Variants in SLC38A9 observed in about 807,000 individuals in gnomAD.
SLC38A9 encodes neutral amino acid transporter 9.
Under a neutral mutation model 62.3 loss-of-function variants are expected in SLC38A9, and 48 were observed. That is an observed-to-expected ratio of 0.77 (90% confidence interval 0.61 to 0.98). The LOEUF (loss-of-function observed/expected upper bound fraction) is 0.98, where lower values mean the gene tolerates loss of function less well. Among genes scored for constraint, SLC38A9 ranks in the 50% least tolerant of loss-of-function variants. The pLI is 0.00. For synonymous variants in SLC38A9, 204 were observed against 227.7 expected (o/e 0.90, Z 0.94); for missense variants, 541 against 679.8 (o/e 0.80, Z 2.27).
At chr5:55,711,962 C>T (rs1367088069) in intron 1 of SLC38A9, among the ~76,000 whole-genome samples, 1 of 152,222 alleles carries the variant, frequency 6.6e-6, no homozygotes, top group Admixed American at 6.5e-5. Flanking sequence ...CGGATTTCCT[C>T]AGACCCCGAG....
chr5:55,637,164 A>T (rs1289138650), intron 12 of SLC38A9, among the ~76,000 whole-genome samples: 1 of 152,190 alleles, frequency 6.6e-6, no homozygotes. Context: ...TGGGCCTGAG[A>T]CAGCTCTCTG....
intron 3 of SLC38A9, chr5:55,691,135 A>G (rs3846505): frequency 0.64 from 460,510 of 721,994 alleles, 148,672 homozygotes; most frequent in South Asian, 0.7. Flanking sequence ...AGAGCACCTG[A>G]AATGTTCTCA....
At chr5:55,675,695 C>A (rs1428640743) in intron 3 of SLC38A9, among the ~76,000 whole-genome samples, 1 of 151,880 alleles carries the variant, frequency 6.6e-6, no homozygotes, top group African/African-American at 2.4e-5. Flanking sequence ...TATGGTCATG[C>A]CACAGAAAAA....
At chr5:55,707,127 C>T (rs899462243) in intron 2 of SLC38A9, among the ~76,000 whole-genome samples, 4 of 152,012 alleles carry the variant, frequency 2.6e-5, no homozygotes, top group Admixed American at 1.3e-4. Flanking sequence ...AAGTAATCTT[C>T]TTGCCTCAGC....
At chr5:55,629,983 A>G (rs2150020247) in intron 14 of SLC38A9, among the ~76,000 whole-genome samples, 1 of 152,324 alleles carries the variant, frequency 6.6e-6, no homozygotes, top group Admixed American at 6.5e-5. Context: ...AGATGTTACA[A>G]AATCATGCAT....
At chr5:55,656,474 A>G (rs1748442684) in intron 9 of SLC38A9, among the ~76,000 whole-genome samples, 1 of 152,142 alleles carries the variant, frequency 6.6e-6, no homozygotes. Flanking sequence ...TGTGAATTGT[A>G]TAATATGAAC....
At chr5:55,706,328 C>T (rs1449712792) in intron 2 of SLC38A9, among the ~76,000 whole-genome samples, 2 of 152,106 alleles carry the variant, frequency 1.3e-5, no homozygotes, top group Admixed American at 1.3e-4. Flanking sequence ...AGTATTGGTT[C>T]CTAAACTAAA....
chr5:55,710,323 A>C lies in SLC38A9; in HGVS notation c.-35+1129T>G, dbSNP rs369979861. ...GCTCAAGCAATTCTCCTGCCTCAGC[A>C]TCCCAAGTAGCTGGGATTACAGATG... On this transcript the variant is annotated intron_variant, in intron 2 of 15. Transcript: ENST00000396865. 4.4e-3 allele frequency among the ~76,000 whole-genome samples: 646 copies of C among 146,798 alleles called. 3 individuals carry two copies. Among genetic ancestry groups the C allele is most frequent in the African/African-American group, 0.015 (609 of 39,858 alleles).
rs200841336 is a variant in SLC38A9 at position 55,671,847 on chromosome 5, CA to C, written c.246+715del. ...TGGGTGATAGAGCGACACTCCATCTCAAAAAAAAAGAGATGGGTCACACTCT... is the reference window on the plus strand; with the variant it reads ...TGGGTGATAGAGCGACACTCCATCTCAAAAAAAAGAGATGGGTCACACTCT... On this transcript the variant is annotated intron_variant, in intron 4 of 15. Coordinates refer to ENST00000396865, the MANE Select transcript of SLC38A9 (RefSeq NM_173514.4). Among the ~76,000 whole-genome samples the C allele has an allele frequency of 6.6e-3, 985 of 149,870 alleles. 13 individuals carry two copies. The highest frequency in any genetic ancestry group is 0.023 in the African/African-American group (954 of 40,920).
At chr5:55,664,664 T>C (rs769235767) in intron 8 of SLC38A9, 29 bp downstream of exon 8, 28 of 1,263,922 alleles carry the variant, frequency 2.2e-5, no homozygotes, top group South Asian at 1.4e-4. Flanking sequence ...GAAAGTACTG[T>C]GTTAAAAGCA....
At chr5:55,683,081 G>T (rs1044770240) in intron 3 of SLC38A9, among the ~76,000 whole-genome samples, 10 of 152,170 alleles carry the variant, frequency 6.6e-5, no homozygotes, top group African/African-American at 2.4e-4. Context: ...ATAACTTGCA[G>T]AAGTAATGAT....
chr5:55,699,732 A>G (rs1756396756), intron 2 of SLC38A9, among the ~76,000 whole-genome samples: 1 of 152,220 alleles, frequency 6.6e-6, no homozygotes, highest in Non-Finnish European at 1.5e-5. Context: ...AGGAAAAAAA[A>G]AATTCAAGAG....
intron 8 of SLC38A9, among the ~76,000 whole-genome samples, chr5:55,662,379 T>A (rs1749732277): frequency 6.6e-6 from 1 of 151,724 alleles, no homozygotes. Flanking sequence ...TTATGTAGAT[T>A]AAAAACAAGC....
At chr5:55,656,860 C>CTTTTTTTTTTTTTTT (rs11397177) in intron 8 of SLC38A9, 86 bp from the exon 9 acceptor site, 1 of 435,800 alleles carries the variant, frequency 2.3e-6, no homozygotes. Context: ...TTATAAAAAT[C>CTTTTTTTTTTTTTTT]TTTTTTTTTT....
intron 12 of SLC38A9, among the ~76,000 whole-genome samples, chr5:55,640,286 A>G (rs1745231814): frequency 6.6e-6 from 1 of 152,210 alleles, no homozygotes; most frequent in Non-Finnish European, 1.5e-5. Flanking sequence ...ATGCCCAGCC[A>G]TTTAAACCTT....
At chr5:55,705,770 C>T (rs1435997768) in intron 2 of SLC38A9, among the ~76,000 whole-genome samples, 1 of 150,892 alleles carries the variant, frequency 6.6e-6, no homozygotes, top group Admixed American at 6.6e-5. Context: ...TGCAGTGGCA[C>T]AATCTTGGCT....
chr5:55,689,751 A>C (rs933471874), intron 3 of SLC38A9, among the ~76,000 whole-genome samples: 8 of 152,160 alleles, frequency 5.3e-5, no homozygotes, highest in Non-Finnish European at 1.2e-4. Context: ...CAGCAGTTCA[A>C]CTTATGATTT....
chr5:55,631,614 C>T (rs114861757), intron 14 of SLC38A9, among the ~76,000 whole-genome samples: 3,094 of 152,276 alleles, frequency 0.02, 42 homozygotes, highest in Middle Eastern at 0.037. Flanking sequence ...TGCTGCTATA[C>T]TTATCAGTGC....
At position 55,626,251 on chromosome 5, in the gene SLC38A9, G is replaced by A. The variant is rs1742395685; in HGVS notation, c.*243C>T. The A allele has an allele frequency of 3.1e-6, 1 of 322,122 alleles. No individual in the cohort carries two copies. Among genetic ancestry groups the A allele is most frequent in the Non-Finnish European group, 5.7e-6 (1 of 175,902 alleles). The allele number at this position is 322,122 out of a possible 1,614,324, so 20.0% of individuals were successfully genotyped here. ...AGGGCATACATTTCTATTCAGAAAA[G>A]ACCACAGAATAAAGAGGTGAGTTAA... On this transcript the variant is annotated 3_prime_UTR_variant, in exon 16 of 16. Coordinates refer to ENST00000396865, the MANE Select transcript of SLC38A9 (RefSeq NM_173514.4).
Sources: allele counts gnomAD v4.1 joint callset (sites outside exome capture counted in the v4.1 genomes callset), GRCh38; gene constraint gnomAD v4.1.1; transcripts MANE v1.5; gene names NCBI Gene and HGNC (gene_info 2026-07-23, HGNC 2026-07-21).